Variants in SUSD4 observed in about 807,000 individuals in gnomAD.
SUSD4 encodes the protein sushi domain containing 4.
Under a neutral mutation model 50.5 loss-of-function variants are expected in SUSD4, and 41 were observed. The ratio of observed to expected loss-of-function variants is 0.81; its 90% CI spans 0.63 to 1.05. The LOEUF (loss-of-function observed/expected upper bound fraction) is 1.05. SUSD4 is among the 50% of genes least tolerant of loss of function. SUSD4 has a pLI of 0.00. For missense variants in SUSD4, 580 were observed against 634.7 expected, an observed-to-expected ratio of 0.91 and a Z score of 0.93; for synonymous variants, 257 against 257.3, an observed-to-expected ratio of 1.00 and a Z score of 0.01.
chr1:223,270,345 C>T (rs17576822), intron 3 of SUSD4, among the ~76,000 whole-genome samples: 50,314 of 151,936 alleles, frequency 0.33, 8,718 homozygotes, highest in Non-Finnish European at 0.4. Flanking sequence ...GAAAGAGTGC[C>T]GAAAGGAGTT....
chr1:223,356,474 G>A (rs1205450477), intron 2 of SUSD4, among the ~76,000 whole-genome samples: 3 of 151,208 alleles, frequency 2.0e-5, no homozygotes, highest in Admixed American at 6.6e-5. Flanking sequence ...GCACTGGCAT[G>A]ATCATAGCTC....
intron 3 of SUSD4, among the ~76,000 whole-genome samples, chr1:223,269,947 G>A (rs1454133226): frequency 6.6e-6 from 1 of 152,204 alleles, no homozygotes; most frequent in Non-Finnish European, 1.5e-5. Flanking sequence ...GGGAAATGCT[G>A]TGGCTAGTGG....
intron 2 of SUSD4, among the ~76,000 whole-genome samples, chr1:223,358,079 G>A (rs1028996022): frequency 1.3e-5 from 2 of 152,118 alleles, no homozygotes; most frequent in African/African-American, 4.8e-5. Context: ...ACACTAACAC[G>A]GAATTTTAAA....
intron 5 of SUSD4, among the ~76,000 whole-genome samples, chr1:223,240,058 T>G (rs976331479): frequency 1.6e-4 from 25 of 151,948 alleles, no homozygotes; most frequent in Non-Finnish European, 8.8e-5. Context: ...GGTACAGAAT[T>G]CTAGGTTGGT....
intron 3 of SUSD4, among the ~76,000 whole-genome samples, chr1:223,281,212 G>T (rs1663699648): frequency 6.6e-6 from 1 of 152,084 alleles, no homozygotes; most frequent in Non-Finnish European, 1.5e-5. Context: ...TCAAAAGCTA[G>T]CAGAAGGCAA....
intron 3 of SUSD4, among the ~76,000 whole-genome samples, chr1:223,279,883 G>T (rs571902728): frequency 5.3e-5 from 8 of 152,176 alleles, no homozygotes; most frequent in Admixed American, 6.5e-5. Context: ...GACTAACAGC[G>T]GATCTCTCGG....
At chr1:223,240,170 T>C (rs1197931978) in intron 5 of SUSD4, among the ~76,000 whole-genome samples, 8 of 152,188 alleles carry the variant, frequency 5.3e-5, no homozygotes, top group Non-Finnish European at 1.0e-4. Flanking sequence ...TTTGTTCCTC[T>C]GTAAGTAAGG....
chr1:223,353,246 G>A (rs1049439839), intron 2 of SUSD4, among the ~76,000 whole-genome samples: 16 of 152,130 alleles, frequency 1.1e-4, no homozygotes, highest in South Asian at 2.1e-4. Context: ...GAGTTTTCAC[G>A]GGGGTCAGGA....
chr1:223,313,935 C>G (rs1372725243), intron 2 of SUSD4, among the ~76,000 whole-genome samples: 1 of 152,090 alleles, frequency 6.6e-6, no homozygotes, highest in Non-Finnish European at 1.5e-5. Context: ...CAGGAATTGC[C>G]CACCCCTTCC....
intron 5 of SUSD4, among the ~76,000 whole-genome samples, chr1:223,245,652 A>G (rs1660872616): frequency 6.6e-6 from 1 of 152,178 alleles, no homozygotes; most frequent in Non-Finnish European, 1.5e-5. Context: ...CTTAAAAGCT[A>G]GCTGGGTGGA....
intron 2 of SUSD4, among the ~76,000 whole-genome samples, chr1:223,336,038 T>C (rs1419676814): frequency 6.6e-6 from 1 of 151,654 alleles, no homozygotes; most frequent in African/African-American, 2.4e-5. Flanking sequence ...GTCATTATAG[T>C]AGACTTTTTG....
intron 2 of SUSD4, among the ~76,000 whole-genome samples, chr1:223,310,721 T>C (rs1447332144): frequency 6.6e-6 from 1 of 152,314 alleles, no homozygotes; most frequent in East Asian, 1.9e-4. Context: ...TGAACATTCA[T>C]AATCAAGAAA....
intron 2 of SUSD4, among the ~76,000 whole-genome samples, chr1:223,310,286 G>A (rs2103210323): frequency 6.6e-6 from 1 of 152,192 alleles, no homozygotes; most frequent in East Asian, 1.9e-4. Flanking sequence ...GCAAGGATGT[G>A]GACTCCCTGC....
intron 3 of SUSD4, among the ~76,000 whole-genome samples, chr1:223,279,419 A>T (rs908713085): frequency 6.6e-6 from 1 of 152,252 alleles, no homozygotes; most frequent in Admixed American, 6.5e-5. Flanking sequence ...GAACTACATG[A>T]CAAATGCACA....
At chr1:223,294,034 T>C (rs776598841) in intron 2 of SUSD4, among the ~76,000 whole-genome samples, 7 of 152,178 alleles carry the variant, frequency 4.6e-5, no homozygotes, top group Non-Finnish European at 7.3e-5. Context: ...TGCATAATGC[T>C]TTAACCGTGT....
At chr1:223,247,393 G>A (rs1661012154) in intron 5 of SUSD4, among the ~76,000 whole-genome samples, 1 of 152,212 alleles carries the variant, frequency 6.6e-6, no homozygotes, top group Admixed American at 6.5e-5. Context: ...CCTGAAGCCA[G>A]CAGAGCTTCC....
At chr1:223,252,279 A>G (rs990628092) in intron 5 of SUSD4, among the ~76,000 whole-genome samples, 4 of 150,880 alleles carry the variant, frequency 2.7e-5, no homozygotes, top group Admixed American at 2.6e-4. Context: ...CGAGACACAC[A>G]GAGGGAAGAC....
At chr1:223,234,574 T>G (rs1323227649) in intron 5 of SUSD4, among the ~76,000 whole-genome samples, 1 of 152,156 alleles carries the variant, frequency 6.6e-6, no homozygotes, top group African/African-American at 2.4e-5. Flanking sequence ...AAACCAGAGG[T>G]GGTTCCCTGT....
chr1:223,259,236 AT>A (rs1661924286), intron 5 of SUSD4, among the ~76,000 whole-genome samples: 1 of 152,184 alleles, frequency 6.6e-6, no homozygotes, highest in African/African-American at 2.4e-5. Flanking sequence ...TATGACACTG[AT>A]TTTGGTTTCT....
Sources: gnomAD v4.1 joint callset for allele counts (sites outside exome capture counted in the v4.1 genomes callset) on GRCh38, gnomAD v4.1.1 for gene constraint, MANE v1.5 for transcripts, NCBI Gene and HGNC (gene_info 2026-07-23, HGNC 2026-07-21) for gene names.